Variants in ITK observed in about 807,000 individuals in gnomAD.
ITK encodes IL2 inducible T cell kinase.
Under a neutral mutation model 87.6 loss-of-function variants are expected in ITK, and 45 were observed. That is an observed-to-expected ratio of 0.51 (90% confidence interval 0.40 to 0.66). ITK has a LOEUF of 0.66. ITK is among the 30% of genes least tolerant of loss of function. The pLI, the probability that ITK is intolerant of heterozygous loss-of-function variation, is 0.00. For synonymous variants in ITK, 303 were observed against 273.6 expected, an observed-to-expected ratio of 1.11 and a Z score of -1.06; for missense variants, 605 against 766.3, an observed-to-expected ratio of 0.79 and a Z score of 2.48.
At chr5:157,196,794 G>A (rs1753862677) in intron 1 of ITK, among the ~76,000 whole-genome samples, 1 of 152,114 alleles carries the variant, frequency 6.6e-6, no homozygotes, top group Non-Finnish European at 1.5e-5. Context: ...TTTGGCTACT[G>A]GTCCTTCAGT....
intron 4 of ITK, among the ~76,000 whole-genome samples, chr5:157,216,023 G>A (rs574591039): frequency 1.3e-5 from 2 of 152,200 alleles, no homozygotes; most frequent in African/African-American, 4.8e-5. Context: ...GCACTCTTGG[G>A]GTCCTGCTGT....
intron 1 of ITK, chr5:157,195,907 A>G (rs938105985): frequency 3.9e-5 from 6 of 152,242 alleles, no homozygotes; most frequent in Admixed American, 3.9e-4. Context: ...ACAATGAGAA[A>G]TGAACAGCCT....
At chr5:157,208,364 G>T (rs1331453664) in intron 1 of ITK, among the ~76,000 whole-genome samples, 3 of 152,118 alleles carry the variant, frequency 2.0e-5, no homozygotes, top group Non-Finnish European at 2.9e-5. Context: ...AGAAGGGATA[G>T]TTATAGATCA....
At position 157,240,525 on chromosome 5, in the gene ITK, C is replaced by G. The variant is rs566526836; in HGVS notation, c.985+330C>G. The G allele has an allele frequency of 1.2e-4, 46 of 387,244 alleles. No homozygotes were observed. In the East Asian group the frequency reaches 2.4e-3, roughly 20 times the overall value. The allele number at this position is 387,244 out of a possible 1,614,324, so 24.0% of individuals were successfully genotyped here. Reference sequence around the variant, plus strand: ...TCTAGAGGACAAAGCCAGAGGGCACCTGGGTTAGACTTTTTTGAATTGCTA... The same window carrying G: ...TCTAGAGGACAAAGCCAGAGGGCACGTGGGTTAGACTTTTTTGAATTGCTA... On this transcript the variant is annotated intron_variant, in intron 10 of 16. Coordinates refer to ENST00000422843, the MANE Select transcript of ITK (RefSeq NM_005546.4).
chr5:157,206,055 A>G (rs2113750345), intron 1 of ITK, among the ~76,000 whole-genome samples: 1 of 145,268 alleles, frequency 6.9e-6, no homozygotes, highest in East Asian at 2.0e-4. Context: ...GGCTCACTGC[A>G]ACTTCTGTCC....
At position 157,253,619 on chromosome 5, in the gene ITK, C is replaced by G. The variant is rs3892245; in HGVS notation, c.*941C>G. On this transcript the variant is annotated 3_prime_UTR_variant, in exon 17 of 17. Transcript: ENST00000422843. ...TTTTTTCCAGCCTCTGGGAATCAGCCCCCCCTCTCTGCACTATCCGATCCT... is the reference window on the plus strand; with the variant it reads ...TTTTTTCCAGCCTCTGGGAATCAGCGCCCCCTCTCTGCACTATCCGATCCT... 60 of 228,214 alleles carry G rather than the reference C, an allele frequency of 2.6e-4. No homozygotes were observed. Among genetic ancestry groups the G allele is most frequent in the African/African-American group, 1.1e-3 (51 of 45,128 alleles). The allele number at this position is 228,214 out of a possible 1,614,324, so 14.1% of individuals were successfully genotyped here.
chr5:157,205,209 A>G (rs1754055371), intron 1 of ITK, among the ~76,000 whole-genome samples: 1 of 152,176 alleles, frequency 6.6e-6, no homozygotes, highest in South Asian at 2.1e-4. Context: ...TATTATCCCC[A>G]CTTATCAGAT....
Position 157,223,012 on chromosome 5 carries a change from T to G in ITK, c.645T>G (p.Asn215Lys). 6.2e-7 allele frequency: 1 copy of G among 1,614,096 alleles called. No individual in the cohort carries two copies. ...ACTGGTGGAGAGTCCAGGACAGGAA[T>G]GGGTAAGTCATCTTTGTGGCTGCTG... Reference protein sequence around the residue: ...EIHWWRVQDRNGHEGYVPSSY... With the variant: ...EIHWWRVQDRKGHEGYVPSSY... The change falls in exon 6 of 17, where the codon AAT becomes AAG. Residue 215 changes from asparagine (N) to lysine (K), a missense_variant and splice_region_variant. Physicochemically the swap from Asn to Lys is moderately conservative, Grantham distance 94. Transcript: ENST00000422843.
intron 1 of ITK, among the ~76,000 whole-genome samples, chr5:157,191,006 A>T (rs1319341769): frequency 6.6e-6 from 1 of 152,188 alleles, no homozygotes; most frequent in African/African-American, 2.4e-5. Context: ...TCAGCAGATT[A>T]TACAATGGCC....
chr5:157,223,810 ATATTAG>A (rs1239210646), intron 6 of ITK, among the ~76,000 whole-genome samples: 1 of 152,190 alleles, frequency 6.6e-6, no homozygotes, highest in Non-Finnish European at 1.5e-5. Flanking sequence ...TTGTATATTA[ATATTAG>A]GGGTTTAAAT....
intron 1 of ITK, among the ~76,000 whole-genome samples, chr5:157,193,858 C>T (rs1336038494): frequency 3.3e-5 from 5 of 151,866 alleles, no homozygotes; most frequent in Non-Finnish European, 7.4e-5. Flanking sequence ...ACAGCAGAAA[C>T]ATCATCAACA....
At chr5:157,208,084 G>C (rs1247236771) in intron 1 of ITK, among the ~76,000 whole-genome samples, 2 of 152,162 alleles carry the variant, frequency 1.3e-5, no homozygotes, top group African/African-American at 4.8e-5. Context: ...CCTGTGAGAG[G>C]CTTCTTCCAT....
At chr5:157,227,906 C>T (rs1320755572) in intron 6 of ITK, among the ~76,000 whole-genome samples, 1 of 141,588 alleles carries the variant, frequency 7.1e-6, no homozygotes, top group Non-Finnish European at 1.5e-5. Context: ...TCTCGGCTCA[C>T]TGCACCCTCC....
intron 3 of ITK, among the ~76,000 whole-genome samples, chr5:157,212,313 G>A (rs1754207597): frequency 6.6e-6 from 1 of 152,164 alleles, no homozygotes; most frequent in African/African-American, 2.4e-5. Context: ...CTGCCTCTAC[G>A]AAGCTGTGAG....
chr5:157,243,254 T>C (rs1754949996), intron 11 of ITK, among the ~76,000 whole-genome samples: 1 of 152,250 alleles, frequency 6.6e-6, no homozygotes, highest in Non-Finnish European at 1.5e-5. Context: ...TATGTGTATA[T>C]AGCAGGTGCT....
chr5:157,239,629 T>C (rs775307719), intron 9 of ITK, among the ~76,000 whole-genome samples: 4 of 152,146 alleles, frequency 2.6e-5, no homozygotes, highest in Non-Finnish European at 4.4e-5. Context: ...TGCAAGCAGG[T>C]CTTTCTAAGG....
chr5:157,198,123 G>GAA (rs71577320), intron 1 of ITK, among the ~76,000 whole-genome samples: 1 of 128,816 alleles, frequency 7.8e-6, no homozygotes, highest in Non-Finnish European at 1.7e-5. Flanking sequence ...TATCTCTTAA[G>GAA]AAAAAAAAAA....
In ITK at chr5:157,254,182, A is replaced by G. The variant is rs1755206537; in HGVS notation, c.*1504A>G. On this transcript the variant is annotated 3_prime_UTR_variant, in exon 17 of 17. Transcript: ENST00000422843. ...ATGGAAAGCCAGTAAAGAAGTCAGT[A>G]TAGAACCACTAGCGAATAGTGTTGC... 1 of 229,872 alleles carries G rather than the reference A, an allele frequency of 4.4e-6. No homozygotes were observed. The highest frequency in any genetic ancestry group is 8.6e-6 in the Non-Finnish European group (1 of 115,922). The allele number at this position is 229,872 out of a possible 1,614,324, so 14.2% of individuals were successfully genotyped here.
intron 6 of ITK, among the ~76,000 whole-genome samples, chr5:157,224,959 A>G (rs967895988): frequency 3.0e-4 from 46 of 152,118 alleles, no homozygotes; most frequent in Admixed American, 3.0e-3. Context: ...TTTGGAATAC[A>G]AACATATATA....
Sources: allele counts gnomAD v4.1 joint callset (sites outside exome capture counted in the v4.1 genomes callset), GRCh38; gene constraint gnomAD v4.1.1; transcripts MANE v1.5; gene names NCBI Gene and HGNC (gene_info 2026-07-23, HGNC 2026-07-21).